The following DNAJC10 variants were observed in gnomAD, a reference collection of about 807,000 sequenced individuals.
The protein encoded by DNAJC10 is endoplasmic reticulum disulfide reductase DNAJC10.
A neutral mutation model predicts 115.0 loss-of-function variants in DNAJC10; 101 were observed. That is an observed-to-expected ratio of 0.88 (90% CI 0.75 to 1.04). The LOEUF (loss-of-function observed/expected upper bound fraction) is 1.04. DNAJC10 is among the 50% of genes least tolerant of loss of function. The probability of loss-of-function intolerance (pLI) is 0.00; values close to 1 mark genes in which losing one functional copy is unlikely to be tolerated. For missense variants in DNAJC10, 981 were observed against 928.8 expected (o/e 1.06, Z -0.73); for synonymous variants, 307 against 301.5 (o/e 1.02, Z -0.19).
rs981361199 is a variant in DNAJC10 at position 182,787,744 on chromosome 2, ACCT to A, written c.*10617_*10619del. ...AGACCAGCCTGGACAACCTGGTGAA[ACCT>A]CCTCTCTACAAGAAAATTCAAAAAT... On this transcript the variant is annotated 3_prime_UTR_variant, in exon 24 of 24. Transcript: ENST00000264065. The A allele has an allele frequency of 2.6e-5, 4 of 152,052 alleles. No homozygotes were observed. The highest frequency in any genetic ancestry group is 1.9e-4 in the East Asian group (1 of 5,138). 9.4% of individuals were successfully genotyped at this position (152,052 alleles called of 1,614,324 possible).
At chr2:182,723,998 G>T (rs766417878) in intron 5 of DNAJC10, among the ~76,000 whole-genome samples, 1 of 152,146 alleles carries the variant, frequency 6.6e-6, no homozygotes, top group Non-Finnish European at 1.5e-5. Context: ...CTAAGCAGAT[G>T]TTATCATTTC....
intron 5 of DNAJC10, among the ~76,000 whole-genome samples, chr2:182,726,494 A>G (rs1246186550): frequency 4.6e-5 from 7 of 152,158 alleles, no homozygotes; most frequent in Non-Finnish European, 8.8e-5. Context: ...TTTGACTCCA[A>G]TTTTGAAAGA....
At chr2:182,765,668 C>T (rs977764134) in intron 22 of DNAJC10, among the ~76,000 whole-genome samples, 2 of 152,104 alleles carry the variant, frequency 1.3e-5, no homozygotes, top group Non-Finnish European at 2.9e-5. Context: ...TTGTTGTGGT[C>T]GATTCTCTAA....
At chr2:182,756,742 C>T (rs1694166561) in intron 18 of DNAJC10, among the ~76,000 whole-genome samples, 1 of 151,938 alleles carries the variant, frequency 6.6e-6, no homozygotes, top group African/African-American at 2.4e-5. Context: ...GCAATCTCGG[C>T]TCACCGCAAC....
At chr2:182,748,988 A>G (rs1693945886) in intron 14 of DNAJC10, among the ~76,000 whole-genome samples, 1 of 151,662 alleles carries the variant, frequency 6.6e-6, no homozygotes, top group Non-Finnish European at 1.5e-5. Context: ...CTTAATCCTG[A>G]GTTCTAGTTT....
intron 5 of DNAJC10, among the ~76,000 whole-genome samples, chr2:182,723,453 A>G (rs1351666779): frequency 6.6e-6 from 1 of 152,206 alleles, no homozygotes; most frequent in South Asian, 2.1e-4. Flanking sequence ...GAACACTTGA[A>G]CATGTTCTAA....
At chr2:182,729,779 T>C in intron 7 of DNAJC10, 69 bp from the exon 8 acceptor site, 3 of 981,976 alleles carry the variant, frequency 3.1e-6, no homozygotes, top group South Asian at 3.1e-5. Flanking sequence ...TCAAACTCTT[T>C]GGTATTATTT....
chr2:182,777,852 T>C lies in DNAJC10; in HGVS notation c.*720T>C, dbSNP rs1694749513. On this transcript the variant is annotated 3_prime_UTR_variant, in exon 24 of 24. Transcript: ENST00000264065. ...AGTGCAGCAGTATATGTGCACACAG[T>C]AAGTACACAAATTTGAGCAACAGTA... 1 of 152,152 alleles carries C rather than the reference T, an allele frequency of 6.6e-6. No homozygotes were observed. Among genetic ancestry groups the C allele is most frequent in the South Asian group, 2.1e-4 (1 of 4,826 alleles). The allele number at this position is 152,152 out of a possible 1,614,324, so 9.4% of individuals were successfully genotyped here. A position where few individuals can be genotyped will look rare whatever the true frequency, so the allele number is the denominator to read the frequency against.
In DNAJC10 at chr2:182,718,036, C is replaced by T; in HGVS notation, c.-51C>T. 7.3e-7 allele frequency: 1 copy of T among 1,372,426 alleles called. No homozygotes were observed. 85.0% of individuals were successfully genotyped at this position (1,372,426 alleles called of 1,614,324 possible). ...ATTTGCATATTACATCAACTGGAAC[C>T]AGCAGTGAATCTTAATGTTCACTTA... On this transcript the variant is annotated 5_prime_UTR_variant, in exon 3 of 24. Transcript: ENST00000264065.
chr2:182,751,754 A>G lies in DNAJC10; in HGVS notation c.1403A>G (p.Lys468Arg), dbSNP rs753008923. ...LGPQNFPAND[K>R]EPWLVDFFAP... ...CCTCAAAATTTTCCTGCCAATGACA[A>G]AGAACCATGGCTTGTTGATTTCTTT... The change falls in exon 15 of 24, where the codon AAA becomes AGA. Residue 468 changes from lysine to arginine, a missense_variant. Physicochemically the swap from Lys to Arg is conservative, Grantham distance 26. Transcript: ENST00000264065. 4.3e-6 allele frequency: 7 copies of G among 1,613,976 alleles called. No homozygotes were observed. The highest frequency in any genetic ancestry group is 2.2e-5 in the South Asian group (2 of 91,030).
intron 5 of DNAJC10, among the ~76,000 whole-genome samples, chr2:182,722,472 C>G (rs1472830314): frequency 5.9e-5 from 9 of 152,086 alleles, no homozygotes; most frequent in Admixed American, 5.9e-4. Context: ...CATAAAAATA[C>G]AGTTCTGCAT....
At chr2:182,748,007 G>C (rs1433603653) in intron 14 of DNAJC10, among the ~76,000 whole-genome samples, 3 of 147,700 alleles carry the variant, frequency 2.0e-5, no homozygotes, top group Admixed American at 6.7e-5. Flanking sequence ...TTTGTCTTTG[G>C]TTCTGTTTAT....
Position 182,722,024 on chromosome 2 carries a change from G to C in DNAJC10, c.368-1G>C. ...TAATTTTTATATACTTTTAAAATTAGGTATTTATGATGATGATCCTGAAAT... is the reference window on the plus strand; with the variant it reads ...TAATTTTTATATACTTTTAAAATTACGTATTTATGATGATGATCCTGAAAT... On this transcript the variant is annotated splice_acceptor_variant, in intron 4 of 23. Coordinates refer to ENST00000264065, the MANE Select transcript of DNAJC10 (RefSeq NM_018981.4). LOFTEE classifies it high-confidence loss of function. 6.7e-7 allele frequency: 1 copy of C among 1,485,170 alleles called. No individual in the cohort carries two copies. Among genetic ancestry groups the C allele is most frequent in the Non-Finnish European group, 9.2e-7 (1 of 1,092,790 alleles). 92.0% of individuals were successfully genotyped at this position (1,485,170 alleles called of 1,614,324 possible).
At chr2:182,766,354 G>GAT (rs1159441076) in intron 22 of DNAJC10, among the ~76,000 whole-genome samples, 19 of 152,138 alleles carry the variant, frequency 1.2e-4, no homozygotes, top group African/African-American at 4.3e-4. Context: ...ATGTAAAGAG[G>GAT]GTGATGATGG....
rs1694679688 is a variant in DNAJC10 at position 182,775,389 on chromosome 2, A to G, written c.2339A>G (p.Glu780Gly). 6.2e-7 allele frequency: 1 copy of G among 1,612,882 alleles called. No homozygotes were observed. The highest frequency in any genetic ancestry group is 1.3e-5 in the African/African-American group (1 of 75,012). ...GCTGCCTTAATAAGTGAAAAATTGG[A>G]AACTCTCCGAAATCAAGGCAAGAGG... ...AIAALISEKL[E>G]TLRNQGKRNK... The change falls in exon 23 of 24, where the codon GAA becomes GGA. Residue 780 changes from glutamate to glycine, a missense_variant. Transcript: ENST00000264065.
chr2:182,757,926 T>C lies in DNAJC10; in HGVS notation c.1943+101T>C, dbSNP rs143965462. The C allele has an allele frequency of 3.8e-5, 26 of 680,932 alleles. No homozygotes were observed. The East Asian group carries it at 7.2e-4, about 19-fold the overall frequency. 42.2% of individuals were successfully genotyped at this position (680,932 alleles called of 1,614,324 possible). On this transcript the variant is annotated intron_variant, in intron 19 of 23. Coordinates refer to ENST00000264065, the MANE Select transcript of DNAJC10 (RefSeq NM_018981.4). ...AAAATAAAAGTTAACCCAACAAATATTTATTGGGAGCCCACTACGTAAAGA... is the reference window on the plus strand; with the variant it reads ...AAAATAAAAGTTAACCCAACAAATACTTATTGGGAGCCCACTACGTAAAGA...
At chr2:182,761,936 G>C (rs1043080224) in intron 21 of DNAJC10, among the ~76,000 whole-genome samples, 12 of 152,042 alleles carry the variant, frequency 7.9e-5, no homozygotes, top group African/African-American at 2.7e-4. Context: ...GGGTAAGAAA[G>C]CCAAGAGAGA....
chr2:182,766,935 G>T (rs1326553542), intron 22 of DNAJC10, among the ~76,000 whole-genome samples: 1 of 152,066 alleles, frequency 6.6e-6, no homozygotes, highest in African/African-American at 2.4e-5. Context: ...TGGCTTTTCT[G>T]TAGGGGGAGG....
Position 182,783,788 on chromosome 2 carries a change from T to C in DNAJC10, c.*6656T>C, listed in dbSNP as rs1049471977. 2 of 152,166 alleles carry C rather than the reference T, an allele frequency of 1.3e-5. No individual in the cohort carries two copies. The highest frequency in any genetic ancestry group is 2.4e-5 in the African/African-American group (1 of 41,444). The allele number at this position is 152,166 out of a possible 1,614,324, so 9.4% of individuals were successfully genotyped here. ...TACTATAAAAACTTGGGTATATTACTTGAAGATCAACTATATTGTTATTTT... is the reference window on the plus strand; with the variant it reads ...TACTATAAAAACTTGGGTATATTACCTGAAGATCAACTATATTGTTATTTT... On this transcript the variant is annotated 3_prime_UTR_variant, in exon 24 of 24. Coordinates refer to ENST00000264065, the MANE Select transcript of DNAJC10 (RefSeq NM_018981.4).
Sources: allele counts gnomAD v4.1 joint callset (sites outside exome capture counted in the v4.1 genomes callset), GRCh38; gene constraint gnomAD v4.1.1; transcripts MANE v1.5; gene names NCBI Gene and HGNC (gene_info 2026-07-23, HGNC 2026-07-21).